The following ATG13 variants were observed in gnomAD, a reference collection of about 807,000 sequenced individuals.
The protein encoded by ATG13 is autophagy-related protein 13.
A neutral mutation model predicts 65.5 loss-of-function variants in ATG13; 23 were observed. The observed-to-expected ratio is 0.35, with a 90% CI of 0.25 to 0.50. The LOEUF (loss-of-function observed/expected upper bound fraction) is 0.50. Ranked by LOEUF, ATG13 falls within the 20% of genes least tolerant of loss-of-function variation. The pLI is 0.98. For synonymous variants in ATG13, 252 were observed against 245.2 expected (o/e 1.03, Z -0.26); for missense variants, 566 against 677.0 (o/e 0.84, Z 1.82).
At chr11:46,630,329 C>T (rs550487950) in intron 2 of ATG13, among the ~76,000 whole-genome samples, 2 of 152,266 alleles carry the variant, frequency 1.3e-5, no homozygotes, top group South Asian at 4.1e-4. Context: ...CTGATTTGAA[C>T]CAAGAACCCT....
At chr11:46,666,747 G>A (rs886197272) in intron 14 of ATG13, among the ~76,000 whole-genome samples, 2 of 152,140 alleles carry the variant, frequency 1.3e-5, no homozygotes, top group African/African-American at 4.8e-5. Flanking sequence ...TCCCTGGGGA[G>A]CCATGGGCTG....
rs2063996534 is a variant in ATG13, at chr11:46,672,553, C to A, written c.*221C>A. On this transcript the variant is annotated 3_prime_UTR_variant, in exon 19 of 19. Transcript: ENST00000683050. ...AGTTGGAGAAGACTCACGTGCTGGCCTTGGAGATGGGAAGAACCTTCGTAC... is the reference window on the plus strand; with the variant it reads ...AGTTGGAGAAGACTCACGTGCTGGCATTGGAGATGGGAAGAACCTTCGTAC... The A allele has an allele frequency of 2.0e-5, 29 of 1,446,844 alleles. 1 individual carries two copies. The South Asian group carries it at 3.2e-4, about 16-fold the overall frequency. 89.6% of individuals were successfully genotyped at this position (1,446,844 alleles called of 1,614,324 possible).
chr11:46,665,803 T>TA (rs2062204102), intron 14 of ATG13, among the ~76,000 whole-genome samples: 1 of 132,052 alleles, frequency 7.6e-6, no homozygotes, highest in Non-Finnish European at 1.7e-5. Context: ...TTTCCTTTTT[T>TA]TTTTTTTTTT....
At chr11:46,652,579 G>T (rs1352623289) in intron 7 of ATG13, among the ~76,000 whole-genome samples, 1 of 151,990 alleles carries the variant, frequency 6.6e-6, no homozygotes, top group African/African-American at 2.4e-5. Flanking sequence ...AGCCAGGTGT[G>T]GTGGTTCACA....
rs1422972216 is a variant in ATG13, at chr11:46,628,292, C to T, written c.-69-1753C>T. On this transcript the variant is annotated intron_variant, in intron 1 of 18. Transcript: ENST00000683050. ...TGGCATGTGCCTCTGGTCTCAGCTACTCGGGAGGCTGAAGCAGGAGAATCA... is the reference window on the plus strand; with the variant it reads ...TGGCATGTGCCTCTGGTCTCAGCTATTCGGGAGGCTGAAGCAGGAGAATCA... Among the ~76,000 whole-genome samples the T allele has an allele frequency of 2.0e-5, 3 of 151,966 alleles. No individual in the cohort carries two copies. The East Asian group carries it at 5.8e-4, about 29-fold the overall frequency.
In ATG13 at chr11:46,657,340, G is replaced by A. The variant is rs1243472456; in HGVS notation, c.596+149G>A. On this transcript the variant is annotated intron_variant, in intron 9 of 18. Transcript: ENST00000683050. ...GAGAGAGTGCAGTTGCCAGATTGGA[G>A]AATTTGAGTGTCCCAGAGCCAGTTT... 5.4e-6 allele frequency: 5 copies of A among 925,078 alleles called. No homozygotes were observed. In the East Asian group the frequency reaches 7.8e-5, roughly 14 times the overall value. 57.3% of individuals were successfully genotyped at this position (925,078 alleles called of 1,614,324 possible).
At chr11:46,670,439 T>C (rs2063452266) in intron 18 of ATG13, among the ~76,000 whole-genome samples, 1 of 143,096 alleles carries the variant, frequency 7.0e-6, no homozygotes, top group Admixed American at 7.2e-5. Context: ...CAAGATTGGA[T>C]CACTGCACTC....
intron 11 of ATG13, among the ~76,000 whole-genome samples, chr11:46,660,902 G>A (rs1276891640): frequency 1.3e-5 from 2 of 151,890 alleles, no homozygotes; most frequent in African/African-American, 4.8e-5. Flanking sequence ...TAGAGATGGG[G>A]TTTTGCCATG....
chr11:46,635,847 T>C (rs1268509641), intron 2 of ATG13, among the ~76,000 whole-genome samples: 28 of 152,214 alleles, frequency 1.8e-4, no homozygotes, highest in Non-Finnish European at 3.8e-4. Context: ...TGTGCCGTTA[T>C]AATGATTGCA....
rs763403699 is a variant in ATG13, at chr11:46,657,633, T to C, written c.695+11T>C. 112 of 1,577,806 alleles carry C rather than the reference T, an allele frequency of 7.1e-5. 2 individuals carry two copies. In the South Asian group the frequency reaches 1.2e-3, roughly 16 times the overall value. On this transcript the variant is annotated intron_variant, in intron 10 of 18. Transcript: ENST00000683050. Reference sequence around the variant, plus strand: ...CCCCTGCAATTACAGGTGAGGAATGTGAAAAGGTGCTCTCCCAAACTGCAG... The same window carrying C: ...CCCCTGCAATTACAGGTGAGGAATGCGAAAAGGTGCTCTCCCAAACTGCAG...
intron 18 of ATG13, among the ~76,000 whole-genome samples, chr11:46,671,321 G>A (rs2134345428): frequency 6.6e-6 from 1 of 152,330 alleles, no homozygotes; most frequent in African/African-American, 2.4e-5. Flanking sequence ...CAGTAGAGAC[G>A]CATTTTTATT....
Position 46,673,381 on chromosome 11 carries a change from G to T in ATG13, c.*1049G>T, listed in dbSNP as rs2134410772. On this transcript the variant is annotated 3_prime_UTR_variant, in exon 19 of 19. Coordinates refer to ENST00000683050, the MANE Select transcript of ATG13 (RefSeq NM_001346311.2). ...CTGACTAAAGGCTTTACCTTGGATAGTTGCGTATTCCTGGTGAGAGCCTTA... is the reference window on the plus strand; with the variant it reads ...CTGACTAAAGGCTTTACCTTGGATATTTGCGTATTCCTGGTGAGAGCCTTA... The T allele has an allele frequency of 6.6e-6, 1 of 152,446 alleles. No individual in the cohort carries two copies. The highest frequency in any genetic ancestry group is 1.9e-4 in the East Asian group (1 of 5,186). The allele number at this position is 152,446 out of a possible 1,614,324, so 9.4% of individuals were successfully genotyped here.
intron 10 of ATG13, 103 bp downstream of exon 10, chr11:46,657,725 G>GC: frequency 9.4e-7 from 1 of 1,058,582 alleles, no homozygotes. Context: ...TCTCCAGTGG[G>GC]CAGGGGGCCA....
At position 46,665,400 on chromosome 11, in the gene ATG13, G is replaced by A; in HGVS notation, c.1017G>A (p.Lys339=). 1 of 1,613,956 alleles carries A rather than the reference G, an allele frequency of 6.2e-7. No homozygotes were observed. Among genetic ancestry groups the A allele is most frequent in the Non-Finnish European group, 8.5e-7 (1 of 1,179,914 alleles). The part of the protein sequence containing the change: ...THPHQLMVPG[K]EGGVPLAPNQ... ...CCCCAAAGCTGATGGTTCCTGGGAA[G>A]GAAGGTGGGGTACCCCTTGCTCCCA... The change falls in exon 14 of 19, where the codon AAG becomes AAA. Residue 339 remains lysine (K), a synonymous_variant. Transcript: ENST00000683050.
chr11:46,656,917 A>G, intron 8 of ATG13, 178 bp from the exon 9 acceptor site: 1 of 613,162 alleles, frequency 1.6e-6, no homozygotes, highest in Non-Finnish European at 2.9e-6. Flanking sequence ...ATACACACAC[A>G]TACACGCACA....
intron 7 of ATG13, among the ~76,000 whole-genome samples, chr11:46,653,938 A>T (rs991613633): frequency 6.6e-6 from 1 of 152,184 alleles, no homozygotes; most frequent in Admixed American, 6.5e-5. Context: ...AATTTTAACA[A>T]TATTACTTGA....
At chr11:46,644,468 C>G in intron 3 of ATG13, 108 bp downstream of exon 3, 1 of 940,436 alleles carries the variant, frequency 1.1e-6, no homozygotes. Context: ...TGCAGCTTGC[C>G]CATTTTAAGG....
rs147563838 is a variant in ATG13, at chr11:46,645,392, A to T, written c.123A>T (p.Ser41=). 3.1e-5 allele frequency: 50 copies of T among 1,613,910 alleles called. No homozygotes were observed. In the African/African-American group the frequency reaches 6.0e-4, roughly 19 times the overall value. Reference sequence around the variant, plus strand: ...TTGGTGAAAAGATTTGCACTCGTTCATCATCTTCTCCAACGGGTTCAGATT... The same window carrying T: ...TTGGTGAAAAGATTTGCACTCGTTCTTCATCTTCTCCAACGGGTTCAGATT... ...ARLGEKICTR[S]SSSPTGSDWF... Residue 41 remains serine, a synonymous_variant, in exon 4 of 19, where the codon TCA becomes TCT. Coordinates refer to ENST00000683050, the MANE Select transcript of ATG13 (RefSeq NM_001346311.2).
chr11:46,645,805 C>T (rs970396005), intron 4 of ATG13, 65 bp from the exon 5 acceptor site: 50 of 1,600,274 alleles, frequency 3.1e-5, no homozygotes, highest in Non-Finnish European at 4.1e-5. Context: ...ACCCAGCATA[C>T]ACTAATTTCT....
Sources: gnomAD v4.1 joint callset for allele counts (sites outside exome capture counted in the v4.1 genomes callset) on GRCh38, gnomAD v4.1.1 for gene constraint, MANE v1.5 for transcripts, NCBI Gene and HGNC (gene_info 2026-07-23, HGNC 2026-07-21) for gene names.